Variants in TMEM71 observed in about 807,000 individuals in gnomAD.
TMEM71 encodes the protein transmembrane protein 71.
A neutral mutation model predicts 38.0 loss-of-function variants in TMEM71; 44 were observed. The ratio of observed to expected loss-of-function variants is 1.16; its 90% CI spans 0.91 to 1.49. TMEM71 has a LOEUF of 1.49. Among genes scored for constraint, TMEM71 ranks in the 40% most tolerant of loss-of-function variants. The probability of loss-of-function intolerance (pLI) is 0.00; values close to 1 mark genes in which losing one functional copy is unlikely to be tolerated. For synonymous variants in TMEM71, 133 were observed against 122.5 expected, an observed-to-expected ratio of 1.09 and a Z score of -0.56; for missense variants, 367 against 348.6, an observed-to-expected ratio of 1.05 and a Z score of -0.42.
At chr8:132,727,259 A>ATT (rs769270352) in intron 6 of TMEM71, among the ~76,000 whole-genome samples, 13 of 140,072 alleles carry the variant, frequency 9.3e-5, no homozygotes, top group South Asian at 4.6e-4. Flanking sequence ...TATTCTCAGA[A>ATT]TTTTTTTTTT....
chr8:132,754,230 C>T (rs368938167), intron 3 of TMEM71, among the ~76,000 whole-genome samples: 8 of 151,882 alleles, frequency 5.3e-5, no homozygotes, highest in African/African-American at 1.9e-4. Flanking sequence ...TTTTTTTTCC[C>T]TCCAGTTACC....
Position 132,727,859 on chromosome 8 carries a change from C to T in TMEM71, c.615G>A (p.Leu205=). The T allele has an allele frequency of 6.2e-7, 1 of 1,614,004 alleles. No individual in the cohort carries two copies. Among genetic ancestry groups the T allele is most frequent in the Admixed American group, 1.7e-5 (1 of 60,000 alleles). The change falls in exon 6 of 10, where the codon TTG becomes TTA. Residue 205 remains leucine, a synonymous_variant. Coordinates refer to ENST00000677595, the MANE Select transcript of TMEM71 (RefSeq NM_001382403.1). ...AAGCTGTCAACTGGGACTGAAGAGA[C>T]AAGCTATGGGAGTTTCCTCCAGGAG... ...SQPPGGNSHS[L]SLQSQLTASE... is the part of the protein sequence containing the mutation.
At chr8:132,725,188 C>A (rs576111726) in intron 6 of TMEM71, among the ~76,000 whole-genome samples, 12 of 152,232 alleles carry the variant, frequency 7.9e-5, no homozygotes, top group African/African-American at 2.9e-4. Context: ...CAGGCATGCA[C>A]CACTATGCCC....
downstream of TMEM71, among the ~76,000 whole-genome samples, chr8:132,707,268 C>T (rs1826107529): frequency 6.6e-6 from 1 of 152,176 alleles, no homozygotes; most frequent in East Asian, 1.9e-4. Context: ...ATAAACTCAG[C>T]CATAGTGGTT....
chr8:132,771,524 CTGAG>C, the TMEM71 span, among the ~76,000 whole-genome samples: 1 of 151,880 alleles, frequency 6.6e-6, no homozygotes, highest in Non-Finnish European at 1.5e-5. Context: ...AACATGTAAA[CTGAG>C]TAACACATAA....
intron 6 of TMEM71, among the ~76,000 whole-genome samples, chr8:132,727,356 A>T (rs145984059): frequency 0.027 from 4,078 of 151,116 alleles, 187 homozygotes; most frequent in African/African-American, 0.094. Context: ...TCCTGGGTTC[A>T]TGCAATTCTC....
Position 132,751,969 on chromosome 8 carries a change from G to T in TMEM71, c.130C>A (p.His44Asn). ...SFTCDSLDGY[H>N]SFECGSIDPL... ...TCTATGGAGCCGCATTCAAAAGAAT[G>T]GTAACCATCCAGGGAATCACAGGTG... is the stretch of plus-strand genomic sequence containing the variant. The change falls in exon 4 of 10, where the codon CAT becomes AAT. Residue 44 changes from histidine (H) to asparagine (N), a missense_variant. Coordinates refer to ENST00000677595, the MANE Select transcript of TMEM71 (RefSeq NM_001382403.1). The T allele has an allele frequency of 6.2e-7, 1 of 1,614,058 alleles. No homozygotes were observed.
chr8:132,749,488 C>T (rs150600836), intron 4 of TMEM71, among the ~76,000 whole-genome samples: 44 of 152,308 alleles, frequency 2.9e-4, no homozygotes, highest in Middle Eastern at 3.4e-3. Flanking sequence ...GCAATGTGAG[C>T]AGAAGTGATC....
chr8:132,746,488 C>CATATATATGTATATATATATACAT, intron 5 of TMEM71, among the ~76,000 whole-genome samples: 1 of 54,314 alleles, frequency 1.8e-5, no homozygotes, highest in Admixed American at 2.1e-4. Flanking sequence ...TATATATATA[C>CATATATATGTATATATATATACAT]ATATATATAC....
At chr8:132,709,054 T>C (rs1455859731), downstream of TMEM71, among the ~76,000 whole-genome samples, 1 of 152,230 alleles carries the variant, frequency 6.6e-6, no homozygotes, top group African/African-American at 2.4e-5. Flanking sequence ...TTGTCAACAA[T>C]GAAGCATTAT....
intron 7 of TMEM71, among the ~76,000 whole-genome samples, chr8:132,719,227 T>A (rs1826704150): frequency 6.6e-6 from 1 of 152,226 alleles, no homozygotes; most frequent in African/African-American, 2.4e-5. Context: ...TCTATAATAA[T>A]TGATTTGTCT....
chr8:132,764,769 TC>T (rs1563760861), upstream of TMEM71, among the ~76,000 whole-genome samples: 2 of 152,208 alleles, frequency 1.3e-5, no homozygotes, highest in African/African-American at 4.8e-5. Context: ...AGAGGATGCA[TC>T]ACAATTGGAA....
Position 132,751,982 on chromosome 8 carries a change from G to C in TMEM71, c.117C>G (p.Ser39=). The C allele has an allele frequency of 1.2e-6, 2 of 1,614,006 alleles. No individual in the cohort carries two copies. The highest frequency in any genetic ancestry group is 1.7e-6 in the Non-Finnish European group (2 of 1,179,986). Residue 39 remains serine, a synonymous_variant, in exon 4 of 10, where the codon TCC becomes TCG. Transcript: ENST00000677595. The part of the protein sequence containing the change: ...TCIFPSFTCD[S]LDGYHSFECG... ...ATTCAAAAGAATGGTAACCATCCAG[G>C]GAATCACAGGTGAAACTAAGAAGGA... is the stretch of plus-strand genomic sequence containing the variant.
the TMEM71 span, among the ~76,000 whole-genome samples, chr8:132,768,940 C>G: frequency 5.3e-5 from 8 of 152,272 alleles, no homozygotes; most frequent in Non-Finnish European, 1.2e-4. Context: ...TTCTTCCACA[C>G]TAACACTTAC....
intron 3 of TMEM71, 44 bp from the exon 4 acceptor site, chr8:132,752,041 A>C: frequency 1.3e-6 from 2 of 1,504,332 alleles, no homozygotes; most frequent in South Asian, 1.1e-5. Flanking sequence ...TATTCAGTAC[A>C]TCCAGTCCCA....
chr8:132,737,623 TC>T (rs1369421843), intron 5 of TMEM71, among the ~76,000 whole-genome samples: 6 of 152,184 alleles, frequency 3.9e-5, no homozygotes, highest in African/African-American at 1.4e-4. Flanking sequence ...CTTAGCTTCT[TC>T]CCCTGGAAAA....
chr8:132,757,205 A>G (rs914032605), intron 3 of TMEM71, 29 bp downstream of exon 3: 7 of 1,572,912 alleles, frequency 4.5e-6, no homozygotes, highest in Non-Finnish European at 5.2e-6. Flanking sequence ...CAGAATGATT[A>G]TTTTTTTAAA....
intron 6 of TMEM71, among the ~76,000 whole-genome samples, chr8:132,722,357 T>C (rs1282533797): frequency 6.6e-6 from 1 of 152,224 alleles, no homozygotes; most frequent in Non-Finnish European, 1.5e-5. Flanking sequence ...TAAAAGACTA[T>C]GCTATTTTCA....
intron 9 of TMEM71, 104 bp from the exon 10 acceptor site, chr8:132,711,086 C>T: frequency 2.0e-6 from 2 of 1,020,314 alleles, no homozygotes; most frequent in Non-Finnish European, 2.9e-6. Flanking sequence ...AAGCACACAC[C>T]CACACCCATA....
Sources: allele counts gnomAD v4.1 joint callset (sites outside exome capture counted in the v4.1 genomes callset), GRCh38; gene constraint gnomAD v4.1.1; transcripts MANE v1.5; gene names NCBI Gene and HGNC (gene_info 2026-07-23, HGNC 2026-07-21).